Variants in ROR1 observed in about 807,000 individuals in gnomAD.
The protein encoded by ROR1 is ROR family WNT receptor 1.
In ROR1, 19 loss-of-function variants were observed where a neutral mutation model predicts 78.8. The observed-to-expected ratio is 0.24, with a 90% confidence interval of 0.17 to 0.35. ROR1 has a LOEUF of 0.35. Among genes scored for constraint, ROR1 ranks in the 10% least tolerant of loss-of-function variants. ROR1 has a pLI of 1.00. For missense variants in ROR1, 917 were observed against 1,177.8 expected (o/e 0.78, Z 3.24); for synonymous variants, 386 against 433.6 (o/e 0.89, Z 1.36).
chr1:63,878,436 G>A (rs1035839263), intron 1 of ROR1, among the ~76,000 whole-genome samples: 1 of 152,090 alleles, frequency 6.6e-6, no homozygotes, highest in African/African-American at 2.4e-5. Flanking sequence ...TCTCCTGACG[G>A]TCTCTGTACA....
intron 4 of ROR1, among the ~76,000 whole-genome samples, chr1:64,097,394 A>T (rs1369730196): frequency 6.6e-6 from 1 of 152,124 alleles, no homozygotes; most frequent in Admixed American, 6.5e-5. Flanking sequence ...CCTTATTTTG[A>T]GGTCAGCTGA....
chr1:63,951,615 A>G (rs1017166207), intron 1 of ROR1, among the ~76,000 whole-genome samples: 1 of 152,160 alleles, frequency 6.6e-6, no homozygotes, highest in African/African-American at 2.4e-5. Flanking sequence ...CCAGGGAGCC[A>G]TGAAGATGAC....
chr1:63,778,216 C>T (rs144677055), intron 1 of ROR1, among the ~76,000 whole-genome samples: 8 of 152,224 alleles, frequency 5.3e-5, no homozygotes, highest in Middle Eastern at 6.8e-3. Context: ...GAGGTGAGTG[C>T]GTGAAATTAA....
intron 7 of ROR1, 56 bp downstream of exon 7, chr1:64,142,706 T>C: frequency 6.3e-7 from 1 of 1,598,604 alleles, no homozygotes; most frequent in Non-Finnish European, 8.5e-7. Context: ...ATCCCTATCC[T>C]ACCCCTCTTA....
chr1:64,165,701 C>T (rs868191799), intron 8 of ROR1, among the ~76,000 whole-genome samples: 27 of 102,880 alleles, frequency 2.6e-4, no homozygotes, highest in Admixed American at 3.5e-4. Flanking sequence ...TCGGGTTTTA[C>T]TTTTTTTTTT....
Position 64,142,459 on chromosome 1 carries a change from C to G in ROR1, c.983C>G (p.Thr328Ser), listed in dbSNP as rs369927901. The G allele has an allele frequency of 1.2e-5, 20 of 1,613,992 alleles. No individual in the cohort carries two copies. The African/African-American group carries it at 2.1e-4, about 17-fold the overall frequency. ...GVDYRGTVSV[T>S]KSGRQCQPWN... ...GACTACCGGGGGACCGTCAGTGTGA[C>G]CAAATCAGGGCGCCAGTGCCAGCCA... The change falls in exon 7 of 9, where the codon ACC becomes AGC. Residue 328 changes from threonine (T) to serine (S), a missense_variant. Thr to Ser is a moderately conservative substitution (Grantham distance 58). Coordinates refer to ENST00000371079, the MANE Select transcript of ROR1 (RefSeq NM_005012.4).
chr1:63,843,812 T>C (rs964594899), intron 1 of ROR1: 6 of 317,452 alleles, frequency 1.9e-5, no homozygotes, highest in South Asian at 1.8e-4. Context: ...ACATTGCTCA[T>C]AGGAAGATTG....
intron 4 of ROR1, among the ~76,000 whole-genome samples, chr1:64,082,322 A>T (rs898148535): frequency 1.9e-4 from 29 of 152,246 alleles, no homozygotes; most frequent in Middle Eastern, 3.2e-3. Context: ...GGCATTTTAA[A>T]ATAAATTAAG....
Position 64,036,935 on chromosome 1 carries a change from C to G in ROR1, c.164-12756C>G, listed in dbSNP as rs148309529. 1.6e-4 allele frequency among the ~76,000 whole-genome samples: 24 copies of G among 152,302 alleles called. No individual in the cohort carries two copies. The East Asian group carries it at 4.6e-3, about 29-fold the overall frequency. Reference sequence around the variant, plus strand: ...GTCTCGACTGAGAAGACAAAAACAGCTGGAGTCTGGAACAGCTGGGGCTGT... The same window carrying G: ...GTCTCGACTGAGAAGACAAAAACAGGTGGAGTCTGGAACAGCTGGGGCTGT... On this transcript the variant is annotated intron_variant, in intron 2 of 8. Coordinates refer to ENST00000371079, the MANE Select transcript of ROR1 (RefSeq NM_005012.4).
At chr1:63,801,986 A>G (rs1343659907) in intron 1 of ROR1, among the ~76,000 whole-genome samples, 1 of 152,184 alleles carries the variant, frequency 6.6e-6, no homozygotes, top group African/African-American at 2.4e-5. Flanking sequence ...ATTCTTTTAG[A>G]TACGTATAAT....
chr1:64,098,202 G>A (rs539582444), intron 4 of ROR1, among the ~76,000 whole-genome samples: 29 of 152,300 alleles, frequency 1.9e-4, no homozygotes, highest in Admixed American at 5.9e-4. Context: ...TGCTGTGAGT[G>A]AGAAGTGAGG....
At chr1:63,947,200 C>T (rs1055101791) in intron 1 of ROR1, among the ~76,000 whole-genome samples, 2 of 152,156 alleles carry the variant, frequency 1.3e-5, no homozygotes, top group Non-Finnish European at 2.9e-5. Flanking sequence ...AGTCCGGGAG[C>T]GCGCCCAGTA....
At chr1:63,776,466 G>C (rs544881986) in intron 1 of ROR1, among the ~76,000 whole-genome samples, 1 of 152,288 alleles carries the variant, frequency 6.6e-6, no homozygotes, top group African/African-American at 2.4e-5. Flanking sequence ...CACGTGAGAG[G>C]GTCATGATGG....
chr1:63,804,678 G>A (rs1286674915), intron 1 of ROR1, among the ~76,000 whole-genome samples: 1 of 152,126 alleles, frequency 6.6e-6, no homozygotes, highest in Non-Finnish European at 1.5e-5. Flanking sequence ...AGAACGTGTA[G>A]GTTTGTTACA....
intron 4 of ROR1, among the ~76,000 whole-genome samples, chr1:64,120,291 C>T (rs2762851): frequency 0.67 from 101,341 of 151,908 alleles, 34,538 homozygotes; most frequent in East Asian, 0.97. Flanking sequence ...TCATGGAGAG[C>T]GCTGTGTGGG....
chr1:64,046,945 T>C (rs1569621780), intron 2 of ROR1, among the ~76,000 whole-genome samples: 1 of 152,232 alleles, frequency 6.6e-6, no homozygotes, highest in East Asian at 1.9e-4. Context: ...AATACTAAAG[T>C]AAAGCCCTAG....
intron 2 of ROR1, among the ~76,000 whole-genome samples, chr1:64,026,548 CTG>C (rs1646611399): frequency 6.6e-6 from 1 of 152,082 alleles, no homozygotes; most frequent in African/African-American, 2.4e-5. Flanking sequence ...CAAAATATAT[CTG>C]TACTAGTCCA....
intron 8 of ROR1, among the ~76,000 whole-genome samples, chr1:64,165,701 CTT>C (rs576997668): frequency 1.0e-3 from 106 of 102,874 alleles, no homozygotes; most frequent in East Asian, 3.3e-3. Flanking sequence ...TCGGGTTTTA[CTT>C]TTTTTTTTTT....
chr1:64,014,399 A>G (rs1474017237), intron 2 of ROR1, among the ~76,000 whole-genome samples: 1 of 151,876 alleles, frequency 6.6e-6, no homozygotes, highest in Non-Finnish European at 1.5e-5. Context: ...GCTACTATTG[A>G]TGGGTCAAGG....
Sources: allele counts gnomAD v4.1 joint callset (sites outside exome capture counted in the v4.1 genomes callset), GRCh38; gene constraint gnomAD v4.1.1; transcripts MANE v1.5; gene names NCBI Gene and HGNC (gene_info 2026-07-23, HGNC 2026-07-21).